TAFA1: variants seen among roughly 807,000 people sequenced by gnomAD.
The protein encoded by TAFA1 is chemokine-like protein TAFA-1.
A neutral mutation model predicts 18.5 loss-of-function variants in TAFA1; 4 were observed. The observed-to-expected ratio is 0.22, with a 90% CI of 0.11 to 0.49. The LOEUF is 0.49. Among genes scored for constraint, TAFA1 ranks in the 20% least tolerant of loss-of-function variants. The probability of loss-of-function intolerance (pLI) is 0.98; values close to 1 mark genes in which losing one functional copy is unlikely to be tolerated. For missense variants in TAFA1, 147 were observed against 169.0 expected, an observed-to-expected ratio of 0.87 and a Z score of 0.72; for synonymous variants, 56 against 55.2, an observed-to-expected ratio of 1.01 and a Z score of -0.06.
chr3:68,387,362 A>G (rs545984478), intron 2 of TAFA1, among the ~76,000 whole-genome samples: 2 of 152,250 alleles, frequency 1.3e-5, no homozygotes, highest in African/African-American at 4.8e-5. Context: ...CTCCAGTTAC[A>G]CATAAGCCTC....
chr3:68,119,682 G>A lies in TAFA1; in HGVS notation c.118+112938G>A, dbSNP rs1189272849. Among the ~76,000 whole-genome samples the A allele has an allele frequency of 2.0e-5, 3 of 152,150 alleles. No individual in the cohort carries two copies. In the South Asian group the frequency reaches 6.2e-4, roughly 32 times the overall value. On this transcript the variant is annotated intron_variant, in intron 2 of 4. Transcript: ENST00000478136. Reference sequence around the variant, plus strand: ...TGCACCCTTGTCAAAAATCATTTGAGCAGATATGTGAGGGCTTATTTCAGA... The same window carrying A: ...TGCACCCTTGTCAAAAATCATTTGAACAGATATGTGAGGGCTTATTTCAGA...
intron 2 of TAFA1, among the ~76,000 whole-genome samples, chr3:68,248,022 G>C (rs1457977492): frequency 6.6e-6 from 1 of 152,190 alleles, no homozygotes; most frequent in Non-Finnish European, 1.5e-5. Context: ...TTGGCTAAAA[G>C]GCAGAATTAG....
intron 3 of TAFA1, among the ~76,000 whole-genome samples, chr3:68,522,230 A>G (rs937919994): frequency 1.3e-5 from 2 of 152,090 alleles, no homozygotes; most frequent in Non-Finnish European, 2.9e-5. Flanking sequence ...ATTTTGTGTA[A>G]TGTCTTCCAG....
At chr3:68,138,940 A>T (rs2065638824) in intron 2 of TAFA1, among the ~76,000 whole-genome samples, 1 of 152,184 alleles carries the variant, frequency 6.6e-6, no homozygotes, top group South Asian at 2.1e-4. Flanking sequence ...CTGAGGCTCT[A>T]TGGGCCTCTG....
intron 2 of TAFA1, among the ~76,000 whole-genome samples, chr3:68,050,224 G>T (rs2087732210): frequency 6.6e-6 from 1 of 152,164 alleles, no homozygotes; most frequent in South Asian, 2.1e-4. Flanking sequence ...AACCATTGAA[G>T]GATGTATTAG....
chr3:68,007,691 G>A (rs547901661), intron 2 of TAFA1, among the ~76,000 whole-genome samples: 1 of 147,794 alleles, frequency 6.8e-6, no homozygotes, highest in African/African-American at 2.5e-5. Flanking sequence ...CTGATGCTCA[G>A]TTCTGAAGTG....
chr3:68,371,166 G>A (rs983582054), intron 2 of TAFA1, among the ~76,000 whole-genome samples: 1 of 152,004 alleles, frequency 6.6e-6, no homozygotes, highest in South Asian at 2.1e-4. Flanking sequence ...ACTACTCTGA[G>A]CCTCTGTTTT....
intron 2 of TAFA1, among the ~76,000 whole-genome samples, chr3:68,057,089 C>T (rs73837270): frequency 0.023 from 3,472 of 152,232 alleles, 46 homozygotes; most frequent in Middle Eastern, 0.037. Flanking sequence ...CTGCCCTTGG[C>T]CAGCAATTTG....
intron 2 of TAFA1, among the ~76,000 whole-genome samples, chr3:68,301,632 C>G (rs138215192): frequency 1.3e-5 from 2 of 151,868 alleles, no homozygotes; most frequent in African/African-American, 4.9e-5. Flanking sequence ...TCTCTCTGCA[C>G]TGAAAAGATG....
At chr3:68,260,632 T>C (rs1028615448) in intron 2 of TAFA1, among the ~76,000 whole-genome samples, 7 of 152,004 alleles carry the variant, frequency 4.6e-5, no homozygotes, top group Admixed American at 4.6e-4. Context: ...TACAACCATC[T>C]GATCTTTGAC....
At chr3:68,295,475 T>A (rs1198208958) in intron 2 of TAFA1, among the ~76,000 whole-genome samples, 1 of 152,168 alleles carries the variant, frequency 6.6e-6, no homozygotes, top group East Asian at 1.9e-4. Context: ...ACAGTCTTAG[T>A]GCTGTGTGTC....
chr3:68,093,537 C>A (rs1488028205), intron 2 of TAFA1, among the ~76,000 whole-genome samples: 5 of 152,056 alleles, frequency 3.3e-5, no homozygotes, highest in African/African-American at 1.2e-4. Flanking sequence ...CCAATCATCC[C>A]AATCTTTGCA....
intron 2 of TAFA1, among the ~76,000 whole-genome samples, chr3:68,136,410 G>A (rs1355365092): frequency 6.6e-6 from 1 of 152,146 alleles, no homozygotes; most frequent in Non-Finnish European, 1.5e-5. Flanking sequence ...ACCCACAAAA[G>A]GACAGAGCCT....
At chr3:68,094,614 A>G (rs1292653583) in intron 2 of TAFA1, among the ~76,000 whole-genome samples, 1 of 152,204 alleles carries the variant, frequency 6.6e-6, no homozygotes, top group Non-Finnish European at 1.5e-5. Flanking sequence ...AGTAGGGAAC[A>G]GACATACTGA....
chr3:68,365,177 T>C (rs1035392102), intron 2 of TAFA1, among the ~76,000 whole-genome samples: 4 of 152,222 alleles, frequency 2.6e-5, no homozygotes, highest in African/African-American at 9.6e-5. Flanking sequence ...CCAGTAAGTA[T>C]ACTGAGGTCC....
intron 2 of TAFA1, among the ~76,000 whole-genome samples, chr3:68,334,344 C>T (rs761391547): frequency 6.6e-6 from 1 of 150,904 alleles, no homozygotes; most frequent in Non-Finnish European, 1.5e-5. Context: ...TGCTGAGATA[C>T]TATATTTCTT....
chr3:68,328,464 A>G (rs773515743), intron 2 of TAFA1, among the ~76,000 whole-genome samples: 1 of 152,182 alleles, frequency 6.6e-6, no homozygotes, highest in Non-Finnish European at 1.5e-5. Context: ...CTTCAGCTAA[A>G]ATTGCTGGGG....
intron 2 of TAFA1, among the ~76,000 whole-genome samples, chr3:68,324,535 T>G (rs2068746686): frequency 6.6e-6 from 1 of 152,148 alleles, no homozygotes; most frequent in Non-Finnish European, 1.5e-5. Flanking sequence ...GGATTTGTTG[T>G]AGGATTTGGC....
upstream of TAFA1, among the ~76,000 whole-genome samples, chr3:68,002,819 C>T (rs1349557719): frequency 6.6e-6 from 1 of 152,050 alleles, no homozygotes; most frequent in African/African-American, 2.4e-5. Context: ...CTCTCACATT[C>T]CCCATCTGTG....
Sources: gnomAD v4.1 joint callset for allele counts (sites outside exome capture counted in the v4.1 genomes callset) on GRCh38, gnomAD v4.1.1 for gene constraint, MANE v1.5 for transcripts, NCBI Gene and HGNC (gene_info 2026-07-23, HGNC 2026-07-21) for gene names.